Variants in PSME4 observed in about 807,000 individuals in gnomAD.
PSME4 encodes the protein proteasome activator complex subunit 4.
Under a neutral mutation model 253.9 loss-of-function variants are expected in PSME4, and 89 were observed. That is an observed-to-expected ratio of 0.35 (90% CI 0.30 to 0.42). PSME4 has a LOEUF of 0.42. PSME4 is among the 10% of genes least tolerant of loss of function. The pLI is 1.00. For missense variants in PSME4, 2,014 were observed against 2,195.2 expected (o/e 0.92, Z 1.65); for synonymous variants, 851 against 759.2 (o/e 1.12, Z -1.99).
At chr2:53,867,848 A>AACACATCATGTATGAAGAATGTCT in intron 44 of PSME4, among the ~76,000 whole-genome samples, 1 of 152,164 alleles carries the variant, frequency 6.6e-6, no homozygotes, top group African/African-American at 2.4e-5. Flanking sequence ...TTCATTAGTA[A>AACACATCATGTATGAAGAATGTCT]ACACATCATG....
intron 44 of PSME4, among the ~76,000 whole-genome samples, chr2:53,868,147 C>T (rs1678662363): frequency 1.3e-5 from 2 of 151,906 alleles, no homozygotes; most frequent in South Asian, 4.1e-4. Context: ...TACTTTGGTG[C>T]TTTATCATTA....
intron 15 of PSME4, 92 bp downstream of exon 15, chr2:53,923,229 C>A (rs1309859217): frequency 2.7e-6 from 4 of 1,460,580 alleles, no homozygotes; most frequent in South Asian, 1.3e-5. Flanking sequence ...AAGAACTATG[C>A]ATTTTAAGCA....
In PSME4 at chr2:53,920,173, A is replaced by T; in HGVS notation, c.2420+20T>A. ...CTTTAGTCTGCAACTGAATAACTCT[A>T]ATTATAAAATAAAACCAACCTAGAC... On this transcript the variant is annotated intron_variant, in intron 19 of 46. Coordinates refer to ENST00000404125, the MANE Select transcript of PSME4 (RefSeq NM_014614.3). 1 of 1,581,124 alleles carries T rather than the reference A, an allele frequency of 6.3e-7. No homozygotes were observed. The highest frequency in any genetic ancestry group is 1.7e-4 in the Middle Eastern group (1 of 5,906).
chr2:53,899,765 C>A (rs979391194), intron 29 of PSME4, 116 bp downstream of exon 29: 31 of 1,248,908 alleles, frequency 2.5e-5, no homozygotes, highest in Non-Finnish European at 3.0e-5. Context: ...TTGCAGTGAG[C>A]CATGATCGTC....
chr2:53,931,123 C>CA (rs1668810743), intron 10 of PSME4, among the ~76,000 whole-genome samples: 1 of 152,096 alleles, frequency 6.6e-6, no homozygotes, highest in Non-Finnish European at 1.5e-5. Context: ...ACTAAAAATA[C>CA]AAAAATTAGC....
At chr2:53,892,679 T>C in intron 36 of PSME4, 129 bp downstream of exon 36, 1 of 789,046 alleles carries the variant, frequency 1.3e-6, no homozygotes, top group Non-Finnish European at 1.9e-6. Context: ...AATGTCTACA[T>C]ATCGGCATAT....
At chr2:53,881,785 T>C (rs567626740) in intron 41 of PSME4, among the ~76,000 whole-genome samples, 66 of 152,208 alleles carry the variant, frequency 4.3e-4, no homozygotes, top group Non-Finnish European at 7.6e-4. Flanking sequence ...GGTTTCACCA[T>C]GTGGTTCAGG....
rs539364460 is a variant in PSME4 at position 53,917,687 on chromosome 2, T to C, written c.2516+1464A>G. 1.2e-4 allele frequency among the ~76,000 whole-genome samples: 18 copies of C among 152,322 alleles called. No individual in the cohort carries two copies. In the South Asian group the frequency reaches 3.5e-3, roughly 30 times the overall value. On this transcript the variant is annotated intron_variant, in intron 20 of 46. Transcript: ENST00000404125. ...CACCTTCAAGCAGAACTCAATTTGC[T>C]GATGTGCAAAGTTTGTTAAGTATGA...
intron 3 of PSME4, among the ~76,000 whole-genome samples, chr2:53,944,392 T>A (rs1161713888): frequency 6.6e-6 from 1 of 152,262 alleles, no homozygotes; most frequent in Non-Finnish European, 1.5e-5. Context: ...ACTCCCGACC[T>A]CAGATGATCC....
chr2:53,892,309 A>G (rs1232861151), intron 36 of PSME4, among the ~76,000 whole-genome samples: 1 of 152,192 alleles, frequency 6.6e-6, no homozygotes, highest in Non-Finnish European at 1.5e-5. Context: ...CTAACCTTAA[A>G]GGCAGGTGTG....
chr2:53,950,715 C>T (rs1157259412), intron 1 of PSME4, among the ~76,000 whole-genome samples: 1 of 151,940 alleles, frequency 6.6e-6, no homozygotes, highest in Non-Finnish European at 1.5e-5. Flanking sequence ...GTGGCACATG[C>T]CTGTAATCCC....
At chr2:53,900,116 CA>C (rs1439243607) in intron 28 of PSME4, 99 bp from the exon 29 acceptor site, 2 of 1,055,804 alleles carry the variant, frequency 1.9e-6, no homozygotes, top group Non-Finnish European at 2.7e-6. Context: ...AGGCCAGACA[CA>C]AAAGTCCACA....
rs907869294 is a variant in PSME4, at chr2:53,966,525, G to A, written c.242+4018C>T. Reference sequence around the variant, plus strand: ...AAAAATACAAAAAAATTAGCCAGGCGTCGTGGCACATGCCTATAATCCCAG... The same window carrying A: ...AAAAATACAAAAAAATTAGCCAGGCATCGTGGCACATGCCTATAATCCCAG... On this transcript the variant is annotated intron_variant, in intron 1 of 46. Coordinates refer to ENST00000404125, the MANE Select transcript of PSME4 (RefSeq NM_014614.3). Among the ~76,000 whole-genome samples the A allele has an allele frequency of 4.6e-5, 7 of 151,250 alleles. No individual in the cohort carries two copies. In the East Asian group the frequency reaches 1.2e-3, roughly 25 times the overall value.
At chr2:53,953,059 G>C (rs933821384) in intron 1 of PSME4, among the ~76,000 whole-genome samples, 7 of 152,158 alleles carry the variant, frequency 4.6e-5, no homozygotes, top group African/African-American at 1.7e-4. Context: ...GGAAAGCCTA[G>C]GGCTGCTGAC....
intron 29 of PSME4, 62 bp downstream of exon 29, chr2:53,899,819 A>G: frequency 1.3e-6 from 2 of 1,578,898 alleles, no homozygotes; most frequent in Admixed American, 1.8e-5. Context: ...CTCTGTCTCA[A>G]AAAAAAGCCA....
intron 21 of PSME4, 97 bp from the exon 22 acceptor site, chr2:53,908,937 AT>A (rs1667694964): frequency 1.1e-6 from 1 of 896,128 alleles, no homozygotes. Flanking sequence ...GGGATAAAGT[AT>A]TGGAGAAAAA....
chr2:53,923,677 C>T (rs1161997046), intron 14 of PSME4, among the ~76,000 whole-genome samples: 1 of 152,088 alleles, frequency 6.6e-6, no homozygotes, highest in African/African-American at 2.4e-5. Flanking sequence ...AATTTTAGCA[C>T]TTTGGGAGGC....
chr2:53,957,407 A>T (rs1670285149), intron 1 of PSME4, among the ~76,000 whole-genome samples: 1 of 152,156 alleles, frequency 6.6e-6, no homozygotes, highest in South Asian at 2.1e-4. Context: ...AGATGGTCCC[A>T]TTGGGGGGTG....
intron 1 of PSME4, among the ~76,000 whole-genome samples, chr2:53,953,241 T>C (rs997896977): frequency 2.6e-5 from 4 of 152,098 alleles, no homozygotes; most frequent in Admixed American, 6.5e-5. Context: ...TTGGTCTTTA[T>C]CATAAATAAC....
Sources: gnomAD v4.1 joint callset for allele counts (sites outside exome capture counted in the v4.1 genomes callset) on GRCh38, gnomAD v4.1.1 for gene constraint, MANE v1.5 for transcripts, NCBI Gene and HGNC (gene_info 2026-07-23, HGNC 2026-07-21) for gene names.